The following GRID2 variants were observed in gnomAD, a reference collection of about 807,000 sequenced individuals.
GRID2 encodes glutamate receptor ionotropic, delta-2.
In GRID2, 33 loss-of-function variants were observed where a neutral mutation model predicts 114.8. The observed-to-expected ratio is 0.29, with a 90% confidence interval of 0.22 to 0.38. The LOEUF (loss-of-function observed/expected upper bound fraction) is 0.38. GRID2 is among the 10% of genes least tolerant of loss of function. GRID2 has a pLI of 1.00. For missense variants in GRID2, 1,184 were observed against 1,257.7 expected (o/e 0.94, Z 0.89); for synonymous variants, 505 against 449.9 (o/e 1.12, Z -1.55).
intron 4 of GRID2, among the ~76,000 whole-genome samples, chr4:93,194,054 T>G (rs924823504): frequency 2.6e-5 from 4 of 152,210 alleles, no homozygotes; most frequent in Non-Finnish European, 4.4e-5. Context: ...CTTTGACAAG[T>G]CATTTATTTA....
intron 1 of GRID2, among the ~76,000 whole-genome samples, chr4:92,443,499 G>T (rs1733241533): frequency 6.6e-6 from 1 of 151,962 alleles, no homozygotes; most frequent in Non-Finnish European, 1.5e-5. Context: ...GAAGGGGTTT[G>T]GGGGTTCTTA....
chr4:93,784,564 AT>A (rs1428331301), intron 1 of GRID2, among the ~76,000 whole-genome samples: 1 of 152,100 alleles, frequency 6.6e-6, no homozygotes, highest in African/African-American at 2.4e-5. Flanking sequence ...AGGAAGTCCT[AT>A]GGAGACAGAC....
At chr4:92,556,133 C>T (rs1243612269) in intron 1 of GRID2, among the ~76,000 whole-genome samples, 1 of 152,084 alleles carries the variant, frequency 6.6e-6, no homozygotes, top group African/African-American at 2.4e-5. Context: ...AGGAGGGCCA[C>T]TAGCATAAAA....
At chr4:93,522,722 G>A (rs1472729770) in intron 13 of GRID2, among the ~76,000 whole-genome samples, 2 of 152,046 alleles carry the variant, frequency 1.3e-5, no homozygotes, top group Non-Finnish European at 2.9e-5. Context: ...CAAACAAGAA[G>A]GATAAAATTG....
At chr4:93,449,037 T>A (rs1382302395) in intron 10 of GRID2, among the ~76,000 whole-genome samples, 1 of 150,468 alleles carries the variant, frequency 6.6e-6, no homozygotes, top group Non-Finnish European at 1.5e-5. Context: ...CTTCCTTCCT[T>A]TAGCATTTCT....
chr4:92,711,117 TA>T (rs1389199026), intron 2 of GRID2, among the ~76,000 whole-genome samples: 1 of 152,200 alleles, frequency 6.6e-6, no homozygotes, highest in African/African-American at 2.4e-5. Context: ...TACTTTGTAC[TA>T]TTTTTTTAAA....
At chr4:92,892,127 G>A (rs1051201583) in intron 2 of GRID2, among the ~76,000 whole-genome samples, 2 of 151,568 alleles carry the variant, frequency 1.3e-5, no homozygotes, top group African/African-American at 4.8e-5. Flanking sequence ...GCAGTGGCAC[G>A]ATCTTGGCTC....
chr4:93,505,679 ATTTAT>A (rs1342862387), intron 12 of GRID2, among the ~76,000 whole-genome samples: 1 of 149,254 alleles, frequency 6.7e-6, no homozygotes, highest in Admixed American at 6.7e-5. Context: ...ATACATGTAT[ATTTAT>A]TTTATAATGT....
intron 1 of GRID2, among the ~76,000 whole-genome samples, chr4:92,517,876 A>T (rs1017171313): frequency 5.3e-5 from 8 of 151,870 alleles, no homozygotes; most frequent in Middle Eastern, 3.2e-3. Context: ...TCTATCAAAG[A>T]TGAACAATAT....
chr4:93,798,174 A>C (rs1038880113), intron 1 of GRID2, among the ~76,000 whole-genome samples: 3 of 152,128 alleles, frequency 2.0e-5, no homozygotes, highest in African/African-American at 7.2e-5. Context: ...AAAATAAAAA[A>C]TAAAAAGAGG....
chr4:93,668,942 T>C (rs1453767568), intron 14 of GRID2, among the ~76,000 whole-genome samples: 1 of 152,134 alleles, frequency 6.6e-6, no homozygotes, highest in Non-Finnish European at 1.5e-5. Flanking sequence ...AGTTACTTCG[T>C]GGCATCAGTT....
Position 92,547,482 on chromosome 4 carries a change from T to A in GRID2, c.89-42649T>A, listed in dbSNP as rs371305666. Reference sequence around the variant, plus strand: ...AGATTTGAATGCTTTAGAGTTCTAATTCTCTAGTGAACAAACAAAGGGAAG... The same window carrying A: ...AGATTTGAATGCTTTAGAGTTCTAAATCTCTAGTGAACAAACAAAGGGAAG... On this transcript the variant is annotated intron_variant, in intron 1 of 15. Coordinates refer to ENST00000282020, the MANE Select transcript of GRID2 (RefSeq NM_001510.4). Among the ~76,000 whole-genome samples, 19 of 152,302 alleles carry A rather than the reference T, an allele frequency of 1.2e-4. No homozygotes were observed. In the East Asian group the frequency reaches 2.5e-3, roughly 20 times the overall value.
chr4:92,621,871 A>G (rs1228991066), intron 2 of GRID2, among the ~76,000 whole-genome samples: 2 of 151,908 alleles, frequency 1.3e-5, no homozygotes, highest in African/African-American at 4.8e-5. Context: ...TTGGTGAAAC[A>G]TGAAACACAC....
At chr4:93,625,980 T>C (rs549181808) in intron 13 of GRID2, among the ~76,000 whole-genome samples, 2 of 152,278 alleles carry the variant, frequency 1.3e-5, no homozygotes, top group African/African-American at 4.8e-5. Context: ...ATATGTACAT[T>C]GTATTAGGTA....
At chr4:93,535,748 G>A (rs973758858) in intron 13 of GRID2, among the ~76,000 whole-genome samples, 1 of 151,750 alleles carries the variant, frequency 6.6e-6, no homozygotes, top group Admixed American at 6.6e-5. Flanking sequence ...TGGGTTAATT[G>A]TTTTCTTTTA....
Position 92,590,285 on chromosome 4 carries a change from A to G in GRID2, c.243A>G (p.Glu81=), listed in dbSNP as rs1339774071. ...DGNNPFQAVQ[E]ACELMNQGIL... ...ACAACCCTTTCCAAGCAGTTCAAGAAGGTAAGGTCATCAGTATTTATTTTG... is the reference window on the plus strand; with the variant it reads ...ACAACCCTTTCCAAGCAGTTCAAGAGGGTAAGGTCATCAGTATTTATTTTG... Residue 81 remains glutamate (E), a splice_region_variant and synonymous_variant, in exon 2 of 16, where the codon GAA becomes GAG. Transcript: ENST00000282020. 3 of 1,608,278 alleles carry G rather than the reference A, an allele frequency of 1.9e-6. No homozygotes were observed. The Admixed American group carries it at 5.1e-5, about 27-fold the overall frequency.
intron 8 of GRID2, among the ~76,000 whole-genome samples, chr4:93,307,127 G>A (rs1002037346): frequency 2.0e-5 from 3 of 151,672 alleles, no homozygotes; most frequent in African/African-American, 4.8e-5. Flanking sequence ...ATGGGGACCC[G>A]GGAGGTGGAT....
chr4:93,058,570 C>T (rs1363738046), intron 2 of GRID2, among the ~76,000 whole-genome samples: 1 of 151,684 alleles, frequency 6.6e-6, no homozygotes, highest in Non-Finnish European at 1.5e-5. Context: ...AATCAGTAAG[C>T]TCTCTGCTAT....
intron 11 of GRID2, among the ~76,000 whole-genome samples, chr4:93,469,312 GAA>G (rs1185545105): frequency 2.6e-5 from 4 of 151,954 alleles, no homozygotes; most frequent in African/African-American, 9.7e-5. Context: ...TATTTGGAAA[GAA>G]ATATACATAT....
Sources: allele counts gnomAD v4.1 joint callset (sites outside exome capture counted in the v4.1 genomes callset), GRCh38; gene constraint gnomAD v4.1.1; transcripts MANE v1.5; gene names NCBI Gene and HGNC (gene_info 2026-07-23, HGNC 2026-07-21).